RBFOX1: variants seen among roughly 807,000 people sequenced by gnomAD.
The protein encoded by RBFOX1 is RNA binding protein fox-1 homolog 1.
Under a neutral mutation model 57.7 loss-of-function variants are expected in RBFOX1, and 8 were observed. That is an observed-to-expected ratio of 0.14 (90% CI 0.08 to 0.25). The LOEUF is 0.25. RBFOX1 is among the 10% of genes least tolerant of loss of function. The probability of loss-of-function intolerance (pLI) is 1.00; values close to 1 mark genes in which losing one functional copy is unlikely to be tolerated. For synonymous variants in RBFOX1, 326 were observed against 222.4 expected, an observed-to-expected ratio of 1.47 and a Z score of -4.15; for missense variants, 611 against 548.5, an observed-to-expected ratio of 1.11 and a Z score of -1.14.
At chr16:5,707,595 T>C (rs1049652615) in intron 3 of RBFOX1, among the ~76,000 whole-genome samples, 3 of 152,178 alleles carry the variant, frequency 2.0e-5, no homozygotes, top group Admixed American at 6.5e-5. Context: ...ATAAGTACAA[T>C]ATTTAAAGGC....
rs115400655 is a variant in RBFOX1 at position 6,185,826 on chromosome 16, G to C, written c.-126-131169G>C. 3.3e-3 allele frequency among the ~76,000 whole-genome samples: 495 copies of C among 152,262 alleles called. 4 individuals carry two copies. The highest frequency in any genetic ancestry group is 0.011 in the African/African-American group (475 of 41,536). On this transcript the variant is annotated intron_variant, in intron 1 of 15. Transcript: ENST00000550418. ...GACATGGTTGATGAGCGTGAGAGTA[G>C]GAGACAGGAGGAGAGTTGGATCTTC...
intron 4 of RBFOX1, among the ~76,000 whole-genome samples, chr16:7,117,715 A>G (rs970322326): frequency 6.6e-6 from 1 of 152,214 alleles, no homozygotes; most frequent in African/African-American, 2.4e-5. Context: ...GTTTCTGTGT[A>G]TCAGAAATTT....
chr16:6,472,122 C>G (rs1274111136), intron 2 of RBFOX1, among the ~76,000 whole-genome samples: 2 of 152,176 alleles, frequency 1.3e-5, no homozygotes, highest in Non-Finnish European at 2.9e-5. Context: ...CCCAGCCTAG[C>G]CCTTGAGCTT....
At chr16:6,792,920 C>G (rs142880515) in intron 3 of RBFOX1, among the ~76,000 whole-genome samples, 2,652 of 151,572 alleles carry the variant, frequency 0.017, 90 homozygotes, top group African/African-American at 0.061. Context: ...ATCCAAGCTA[C>G]TAGGGAGGCT....
intron 4 of RBFOX1, among the ~76,000 whole-genome samples, chr16:7,409,637 C>T (rs1158991264): frequency 6.6e-6 from 1 of 152,168 alleles, no homozygotes; most frequent in Non-Finnish European, 1.5e-5. Flanking sequence ...AGCCACATAC[C>T]ATCAGATGTA....
chr16:5,879,256 C>T (rs577039649), intron 4 of RBFOX1, among the ~76,000 whole-genome samples: 3 of 152,346 alleles, frequency 2.0e-5, no homozygotes, highest in East Asian at 3.9e-4. Context: ...AAATGCTGTG[C>T]TGGGCCAGCA....
chr16:6,647,968 A>G (rs1301485281), intron 2 of RBFOX1, among the ~76,000 whole-genome samples: 1 of 152,084 alleles, frequency 6.6e-6, no homozygotes, highest in Non-Finnish European at 1.5e-5. Flanking sequence ...CAGCCTCTCT[A>G]GTAGCTGGAA....
intron 3 of RBFOX1, among the ~76,000 whole-genome samples, chr16:5,799,754 T>C (rs1597304634): frequency 1.3e-5 from 2 of 152,314 alleles, no homozygotes; most frequent in African/African-American, 4.8e-5. Context: ...TACAAGGGGT[T>C]TTTTGGGATG....
chr16:6,719,399 A>C (rs2065481721), intron 3 of RBFOX1, among the ~76,000 whole-genome samples: 2 of 152,072 alleles, frequency 1.3e-5, no homozygotes, highest in African/African-American at 4.8e-5. Context: ...TATTACTAAT[A>C]GTTTAAAAGT....
At chr16:5,779,074 A>G (rs1450833000) in intron 3 of RBFOX1, among the ~76,000 whole-genome samples, 1 of 152,212 alleles carries the variant, frequency 6.6e-6, no homozygotes, top group African/African-American at 2.4e-5. Context: ...GTTATGAACC[A>G]TGCTGTCAAT....
chr16:6,831,268 C>G (rs1418294100), intron 3 of RBFOX1, among the ~76,000 whole-genome samples: 1 of 152,114 alleles, frequency 6.6e-6, no homozygotes, highest in Non-Finnish European at 1.5e-5. Context: ...CTTGGCTCAC[C>G]CAGGTCTTAT....
At chr16:6,268,361 C>G (rs2074793407) in intron 1 of RBFOX1, among the ~76,000 whole-genome samples, 1 of 152,082 alleles carries the variant, frequency 6.6e-6, no homozygotes, top group African/African-American at 2.4e-5. Flanking sequence ...CCTTCCAGGA[C>G]AGTGCTCAGA....
intron 2 of RBFOX1, among the ~76,000 whole-genome samples, chr16:6,633,805 T>C (rs903983741): frequency 6.6e-6 from 1 of 152,012 alleles, no homozygotes. Context: ...GTTGAGGAGT[T>C]TGAGACTAGC....
chr16:5,377,438 A>T (rs1208254886), intron 1 of RBFOX1, among the ~76,000 whole-genome samples: 1 of 151,278 alleles, frequency 6.6e-6, no homozygotes, highest in African/African-American at 2.5e-5. Context: ...AGCAGAGGGA[A>T]CAGAAAGTGC....
At chr16:6,412,117 T>C in intron 2 of RBFOX1, among the ~76,000 whole-genome samples, 1 of 142,464 alleles carries the variant, frequency 7.0e-6, no homozygotes, top group Non-Finnish European at 1.5e-5. Flanking sequence ...CAGGCAATAG[T>C]GCAAGACTCC....
chr16:6,983,983 G>C (rs73532921), intron 3 of RBFOX1, among the ~76,000 whole-genome samples: 17,392 of 152,104 alleles, frequency 0.11, 1,553 homozygotes, highest in East Asian at 0.27. Context: ...AGTGGTGGCT[G>C]AACCCTGTAA....
intron 4 of RBFOX1, among the ~76,000 whole-genome samples, chr16:7,158,088 C>G (rs1201036943): frequency 2.6e-5 from 4 of 152,100 alleles, no homozygotes; most frequent in African/African-American, 9.7e-5. Context: ...GTAGCTCAAG[C>G]CTGTAATTCC....
intron 4 of RBFOX1, among the ~76,000 whole-genome samples, chr16:7,458,730 C>T (rs1339263631): frequency 2.6e-5 from 4 of 152,142 alleles, no homozygotes; most frequent in Admixed American, 6.5e-5. Flanking sequence ...CAGCTTAGCT[C>T]ATTACCTTTT....
chr16:7,306,870 G>A (rs904364612), intron 4 of RBFOX1, among the ~76,000 whole-genome samples: 17 of 152,114 alleles, frequency 1.1e-4, no homozygotes, highest in African/African-American at 2.7e-4. Context: ...AAATCATATC[G>A]ATAAGTAATA....
Sources: gnomAD v4.1 joint callset for allele counts (sites outside exome capture counted in the v4.1 genomes callset) on GRCh38, gnomAD v4.1.1 for gene constraint, MANE v1.5 for transcripts, NCBI Gene and HGNC (gene_info 2026-07-23, HGNC 2026-07-21) for gene names.